The following ZNF518A variants were observed in gnomAD, a reference collection of about 807,000 sequenced individuals.
The protein encoded by ZNF518A is zinc finger protein 518A.
Under a neutral mutation model 102.7 loss-of-function variants are expected in ZNF518A, and 47 were observed. That is an observed-to-expected ratio of 0.46 (90% confidence interval 0.36 to 0.58). ZNF518A has a LOEUF of 0.58. Ranked by LOEUF, ZNF518A falls within the 20% of genes least tolerant of loss-of-function variation. ZNF518A has a pLI of 0.00. For missense variants in ZNF518A, 1,793 were observed against 1,699.8 expected (o/e 1.05, Z -0.96); for synonymous variants, 652 against 594.6 (o/e 1.10, Z -1.40).
At chr10:96,171,624 A>G (rs1483164515) in intron 1 of ZNF518A, among the ~76,000 whole-genome samples, 1 of 152,202 alleles carries the variant, frequency 6.6e-6, no homozygotes, top group Non-Finnish European at 1.5e-5. Flanking sequence ...TCACTAAGAA[A>G]CCATTGAAGT....
intron 1 of ZNF518A, among the ~76,000 whole-genome samples, chr10:96,197,930 A>G (rs2083516771): frequency 6.6e-6 from 1 of 151,086 alleles, no homozygotes; most frequent in African/African-American, 2.4e-5. Context: ...AAAAAGAAAG[A>G]AAAAGAAAAA....
In ZNF518A at chr10:96,158,770, A is replaced by G. The variant is rs372567543; in HGVS notation, c.2448A>G (p.Ser816=). Residue 816 remains serine, a synonymous_variant, in exon 6 of 6, where the codon TCA becomes TCG. Coordinates refer to ENST00000316045, the MANE Select transcript of ZNF518A (RefSeq NM_001330736.2). ...NKGLPLHCDQ[S]FQKHEREGKI... ...GCTTGCCACTTCATTGTGACCAGTC[A>G]TTTCAAAAACACGAGAGAGAAGGCA... 1.2e-5 allele frequency: 19 copies of G among 1,613,438 alleles called. No homozygotes were observed. The Admixed American group carries it at 2.0e-4, about 17-fold the overall frequency.
In ZNF518A at chr10:96,157,334, G is replaced by A. The variant is rs2082742567; in HGVS notation, c.1012G>A (p.Asp338Asn). The stretch of plus-strand genomic sequence containing the variant: ...ACGTAAGAAAATTAACAGTGGAAGT[G>A]ACAGAAGTATAGAAAAGAACACTCA... ...WKRKKINSGSDRSIEKNTQVL... is the reference protein window; with the variant it reads ...WKRKKINSGSNRSIEKNTQVL... Residue 338 changes from aspartate (D) to asparagine (N), a missense_variant, in exon 6 of 6, where the codon GAC becomes AAC. This residue lies in a region of ZNF518A where 1,741 missense variants were observed against 1,622.6 expected (regional missense o/e 1.07). Transcript: ENST00000316045. 1.9e-6 allele frequency: 3 copies of A among 1,611,154 alleles called. No homozygotes were observed. Among genetic ancestry groups the A allele is most frequent in the Non-Finnish European group, 2.5e-6 (3 of 1,178,494 alleles).
downstream of ZNF518A, among the ~76,000 whole-genome samples, chr10:96,165,633 G>A (rs1591269399): frequency 2.6e-5 from 4 of 152,208 alleles, no homozygotes; most frequent in South Asian, 8.3e-4. Context: ...CTCTAACAGA[G>A]CTGCTTTACA....
chr10:96,171,190 T>C (rs2083171314), intron 1 of ZNF518A, among the ~76,000 whole-genome samples: 1 of 152,168 alleles, frequency 6.6e-6, no homozygotes, highest in African/African-American at 2.4e-5. Flanking sequence ...CCTAAGTATA[T>C]ACCCCAAATA....
chr10:96,134,630 G>A (rs2081509120), intron 3 of ZNF518A, among the ~76,000 whole-genome samples: 1 of 152,240 alleles, frequency 6.6e-6, no homozygotes, highest in African/African-American at 2.4e-5. Context: ...AGCTGTAGTT[G>A]TAGTGAAGTA....
intron 1 of ZNF518A, among the ~76,000 whole-genome samples, chr10:96,202,799 T>C (rs190270014): frequency 3.9e-5 from 6 of 152,320 alleles, no homozygotes; most frequent in South Asian, 2.1e-4. Context: ...AGAGTACCCA[T>C]GGCTAATATT....
chr10:96,166,276 GAC>G (rs1380418986), downstream of ZNF518A, among the ~76,000 whole-genome samples: 1 of 152,162 alleles, frequency 6.6e-6, no homozygotes, highest in East Asian at 1.9e-4. Flanking sequence ...CACCCTCACA[GAC>G]ACATTCAGAA....
intron 1 of ZNF518A, among the ~76,000 whole-genome samples, chr10:96,132,310 A>G (rs1413076821): frequency 1.3e-5 from 2 of 151,406 alleles, no homozygotes; most frequent in Non-Finnish European, 2.9e-5. Context: ...TCCAGATATT[A>G]TTTCTAGTTT....
chr10:96,172,023 C>CT (rs782080516), intron 1 of ZNF518A, among the ~76,000 whole-genome samples: 5 of 152,072 alleles, frequency 3.3e-5, no homozygotes, highest in Non-Finnish European at 5.9e-5. Flanking sequence ...AGAAACAAAA[C>CT]TGTCTTTCAA....
intron 1 of ZNF518A, among the ~76,000 whole-genome samples, chr10:96,196,263 T>C (rs868955909): frequency 1.3e-5 from 2 of 152,350 alleles, no homozygotes; most frequent in Middle Eastern, 6.8e-3. Flanking sequence ...TAAGTATCAC[T>C]GCATTTCTAG....
chr10:96,167,420 G>C (rs1251912468), downstream of ZNF518A, among the ~76,000 whole-genome samples: 7 of 152,152 alleles, frequency 4.6e-5, no homozygotes, highest in African/African-American at 1.4e-4. Flanking sequence ...CGCCATTGCT[G>C]TCCAGCCTGG....
downstream of ZNF518A, among the ~76,000 whole-genome samples, chr10:96,164,901 C>A (rs182321467): frequency 6.6e-6 from 1 of 152,230 alleles, no homozygotes; most frequent in East Asian, 1.9e-4. Context: ...ATACATCTTT[C>A]AATTAAGGAG....
At position 96,160,272 on chromosome 10, in the gene ZNF518A, C is replaced by G. The variant is rs781789440; in HGVS notation, c.3950C>G (p.Pro1317Arg). Residue 1317 changes from proline (P) to arginine (R), a missense_variant, in exon 6 of 6, where the codon CCT (proline) becomes CGT (arginine). By Grantham distance (103) the Pro-to-Arg change is moderately radical (BLOSUM62 -2). Around this residue, in one of 3 missense-constraint regions of ZNF518A, gnomAD observed 1,741 missense variants for 1,622.6 expected, o/e 1.07. Transcript: ENST00000316045. ...CGTGAAACATTTGGATTTAGCAGACCTAGGCTTTCAAAAGATTCCATCAGA... is the reference window on the plus strand; with the variant it reads ...CGTGAAACATTTGGATTTAGCAGACGTAGGCTTTCAAAAGATTCCATCAGA... ...DVRETFGFSR[P>R]RLSKDSIRTL... 1 of 1,613,534 alleles carries G rather than the reference C, an allele frequency of 6.2e-7. No individual in the cohort carries two copies. Among genetic ancestry groups the G allele is most frequent in the Non-Finnish European group, 8.5e-7 (1 of 1,179,670 alleles).
chr10:96,177,911 C>A lies in ZNF518A; in HGVS notation n.35+21864C>A, dbSNP rs587707503. The stretch of plus-strand genomic sequence containing the variant: ...TACCTCAATGATAAAGAGTTCCATT[C>A]ATTAAGAAGACATAACTATCCTAAA... On this transcript the variant is annotated intron_variant and non_coding_transcript_variant, in intron 1 of 2. Coordinates refer to the ZNF518A transcript ENST00000442635. 1.8e-4 allele frequency among the ~76,000 whole-genome samples: 28 copies of A among 152,138 alleles called. No homozygotes were observed. The South Asian group carries it at 5.6e-3, about 30-fold the overall frequency.
rs782205233 is a variant in ZNF518A, at chr10:96,160,665, A to C, written c.4343A>C (p.Lys1448Thr). 2.5e-6 allele frequency: 4 copies of C among 1,613,244 alleles called. No homozygotes were observed. The East Asian group carries it at 8.9e-5, about 36-fold the overall frequency. ...ACCTCTGAAAATATTTTGAAGGCTA[A>C]ATTTAACTGTTGGTTTTGTGGTAGA... ...KTTSENILKA[K>T]FNCWFCGRVF... The change falls in exon 6 of 6, where the codon AAA becomes ACA. Residue 1448 changes from lysine (K) to threonine (T), a missense_variant. Around this residue, in one of 3 missense-constraint regions of ZNF518A, gnomAD observed 30 missense variants for 61.1 expected, o/e 0.49. Coordinates refer to ENST00000316045, the MANE Select transcript of ZNF518A (RefSeq NM_001330736.2).
rs10675397 is a variant in ZNF518A, at chr10:96,150,743, C to CTTT, written c.-301-4565_-301-4563dup. Among the ~76,000 whole-genome samples, 7 of 30,288 alleles carry CTTT rather than the reference C, an allele frequency of 2.3e-4. 1 individual carries two copies. Among genetic ancestry groups the CTTT allele is most frequent in the South Asian group, 2.7e-3 (1 of 374 alleles). The allele number at this position is 30,288 out of a possible 152,430, so 19.9% of individuals were successfully genotyped here. A position where few individuals can be genotyped will look rare whatever the true frequency, so the allele number is the denominator to read the frequency against. On this transcript the variant is annotated intron_variant, in intron 3 of 5. Transcript: ENST00000316045. ...TTATTGCAGCAACTTTCTTTCTTTC[C>CTTT]TTTTTTTTTTTTTTTTTTTTGGAGA... is the stretch of plus-strand genomic sequence containing the variant.
In ZNF518A at chr10:96,159,563, T is replaced by A; in HGVS notation, c.3241T>A (p.Ser1081Thr). The change falls in exon 6 of 6, where the codon TCA becomes ACA. Residue 1081 changes from serine (S) to threonine (T), a missense_variant. Physicochemically the swap from Ser to Thr is moderately conservative, Grantham distance 58 (BLOSUM62 1). Transcript: ENST00000316045. ...QQSTKLNISD[S>T]VKQQNEIFPK... Reference sequence around the variant, plus strand: ...GAGCACTAAGTTGAATATCTCCGATTCAGTAAAACAGCAGAATGAGATTTT... The same window carrying A: ...GAGCACTAAGTTGAATATCTCCGATACAGTAAAACAGCAGAATGAGATTTT... The A allele has an allele frequency of 6.2e-7, 1 of 1,613,920 alleles. No homozygotes were observed. Among genetic ancestry groups the A allele is most frequent in the Non-Finnish European group, 8.5e-7 (1 of 1,179,796 alleles).
intron 1 of ZNF518A, among the ~76,000 whole-genome samples, chr10:96,171,496 A>G (rs1234875918): frequency 6.6e-6 from 1 of 152,200 alleles, no homozygotes; most frequent in Non-Finnish European, 1.5e-5. Context: ...GAATGAAAGT[A>G]GATTAGTAGT....
Sources: gnomAD v4.1 joint callset for allele counts (sites outside exome capture counted in the v4.1 genomes callset) on GRCh38, gnomAD v4.1.1 for gene constraint, gnomAD v4.1.1 regional missense constraint, MANE v1.5 for transcripts, NCBI Gene and HGNC (gene_info 2026-07-23, HGNC 2026-07-21) for gene names.